The following MYT1L variants were observed in gnomAD, a reference collection of about 807,000 sequenced individuals.
MYT1L encodes the protein myelin transcription factor 1-like protein.
MYT1L carries 12 observed loss-of-function variants against 126.7 expected under a neutral mutation model. That is an observed-to-expected ratio of 0.09 (90% CI 0.06 to 0.15). The LOEUF is 0.15. Among genes scored for constraint, MYT1L ranks in the 10% least tolerant of loss-of-function variants. The pLI is 1.00. For missense variants in MYT1L, 979 were observed against 1,585.2 expected (o/e 0.62, Z 6.49); for synonymous variants, 541 against 604.2 (o/e 0.90, Z 1.53).
At chr2:2,079,281 T>A (rs1237753000) in intron 3 of MYT1L, among the ~76,000 whole-genome samples, 1 of 152,124 alleles carries the variant, frequency 6.6e-6, no homozygotes, top group Admixed American at 6.5e-5. Context: ...TGGAAATAAA[T>A]TTAACAAAAG....
At chr2:1,846,259 A>C (rs1172904633) in intron 19 of MYT1L, among the ~76,000 whole-genome samples, 2 of 152,200 alleles carry the variant, frequency 1.3e-5, no homozygotes, top group East Asian at 3.9e-4. Context: ...GGAACACCTT[A>C]GTTATCACTG....
intron 1 of MYT1L, chr2:2,326,103 G>A (rs1400509664): frequency 1.3e-5 from 2 of 152,256 alleles, no homozygotes; most frequent in South Asian, 2.1e-4. Flanking sequence ...CACCCACGCA[G>A]GGCTCTGTCT....
At chr2:2,259,987 C>T (rs1248766573) in intron 2 of MYT1L, among the ~76,000 whole-genome samples, 1 of 152,182 alleles carries the variant, frequency 6.6e-6, no homozygotes, top group Non-Finnish European at 1.5e-5. Flanking sequence ...CTGCAGCCTC[C>T]CCAGCCCAGG....
At chr2:1,998,535 T>TC (rs2062070823) in intron 4 of MYT1L, among the ~76,000 whole-genome samples, 1 of 152,100 alleles carries the variant, frequency 6.6e-6, no homozygotes, top group Non-Finnish European at 1.5e-5. Context: ...TACTTAATTT[T>TC]CCCCAGAGAA....
intron 4 of MYT1L, among the ~76,000 whole-genome samples, chr2:2,041,452 A>G (rs2067525548): frequency 6.6e-6 from 1 of 152,220 alleles, no homozygotes; most frequent in South Asian, 2.1e-4. Context: ...AGTGCTTTGC[A>G]AGCTGAATTG....
At chr2:1,963,237 T>A (rs889028295) in intron 8 of MYT1L, among the ~76,000 whole-genome samples, 4 of 152,004 alleles carry the variant, frequency 2.6e-5, no homozygotes, top group African/African-American at 4.8e-5. Flanking sequence ...TGAAAGAAAA[T>A]TTTTTTTCCC....
intron 2 of MYT1L, among the ~76,000 whole-genome samples, chr2:2,205,189 G>A (rs1472350397): frequency 2.6e-5 from 4 of 151,328 alleles, no homozygotes; most frequent in Admixed American, 6.6e-5. Flanking sequence ...AATGGGTGCA[G>A]CACACCAACA....
chr2:2,190,079 C>T (rs540542894), intron 2 of MYT1L, among the ~76,000 whole-genome samples: 119 of 152,328 alleles, frequency 7.8e-4, no homozygotes, highest in African/African-American at 2.8e-3. Context: ...GCTCATCCTT[C>T]GCTTTCTGTA....
At chr2:2,241,635 T>C (rs2149143060) in intron 2 of MYT1L, among the ~76,000 whole-genome samples, 1 of 152,320 alleles carries the variant, frequency 6.6e-6, no homozygotes, top group Non-Finnish European at 1.5e-5. Context: ...TTTTTTGTTT[T>C]TGGATTTTGG....
intron 1 of MYT1L, among the ~76,000 whole-genome samples, chr2:2,323,240 C>T (rs992114671): frequency 6.6e-6 from 1 of 151,684 alleles, no homozygotes; most frequent in Admixed American, 6.6e-5. Flanking sequence ...AAAATTTTCC[C>T]CTCCCCCCAA....
intron 18 of MYT1L, among the ~76,000 whole-genome samples, chr2:1,876,614 G>A (rs987577102): frequency 3.3e-5 from 5 of 152,058 alleles, no homozygotes; most frequent in Non-Finnish European, 5.9e-5. Flanking sequence ...CTGAGTCCCC[G>A]CAGCTGACCC....
intron 18 of MYT1L, among the ~76,000 whole-genome samples, chr2:1,856,464 G>T (rs2043938233): frequency 6.6e-6 from 1 of 152,136 alleles, no homozygotes; most frequent in Admixed American, 6.5e-5. Context: ...ACATCACGCA[G>T]CTGGGACGCT....
At chr2:2,254,042 C>T (rs965780640) in intron 2 of MYT1L, among the ~76,000 whole-genome samples, 3 of 152,096 alleles carry the variant, frequency 2.0e-5, no homozygotes, top group East Asian at 1.9e-4. Context: ...CCGAAGGCTC[C>T]CTGTGATAAG....
At chr2:1,803,944 G>A (rs1181067586) in intron 22 of MYT1L, among the ~76,000 whole-genome samples, 2 of 152,158 alleles carry the variant, frequency 1.3e-5, no homozygotes, top group South Asian at 2.1e-4. Flanking sequence ...CCCCAGGCAC[G>A]TGCGCCTCGG....
At chr2:1,821,550 T>C (rs1409880202) in intron 21 of MYT1L, among the ~76,000 whole-genome samples, 1 of 152,224 alleles carries the variant, frequency 6.6e-6, no homozygotes, top group East Asian at 1.9e-4. Context: ...TTTCCAGAAA[T>C]GTTTCTGCTT....
intron 3 of MYT1L, among the ~76,000 whole-genome samples, chr2:2,116,888 G>A (rs1014480716): frequency 1.3e-5 from 2 of 152,168 alleles, no homozygotes; most frequent in African/African-American, 4.8e-5. Context: ...AGCCATCCTG[G>A]GCATCAGCCC....
In MYT1L at chr2:2,017,726, C is replaced by CTCCATCCATCCATCCATCCA. The variant is rs146462005; in HGVS notation, c.-157-20399_-157-20380dup. Among the ~76,000 whole-genome samples the CTCCATCCATCCATCCATCCA allele has an allele frequency of 1.6e-4, 25 of 151,968 alleles. No homozygotes were observed. In the South Asian group the frequency reaches 5.2e-3, roughly 32 times the overall value. ...TATCTATCTATCTAACCATCCATCC[C>CTCCATCCATCCATCCATCCA]TCCATCCATCCATCCATCCATCCAT... On this transcript the variant is annotated intron_variant, in intron 4 of 24. Coordinates refer to ENST00000647738, the MANE Select transcript of MYT1L (RefSeq NM_001303052.2).
intron 2 of MYT1L, among the ~76,000 whole-genome samples, chr2:2,273,994 G>T (rs1227520566): frequency 2.0e-5 from 3 of 151,836 alleles, no homozygotes; most frequent in African/African-American, 7.3e-5. Context: ...TGAATATAGA[G>T]AACTGATACT....
At chr2:2,321,087 G>A (rs2096156163) in intron 1 of MYT1L, among the ~76,000 whole-genome samples, 1 of 152,192 alleles carries the variant, frequency 6.6e-6, no homozygotes, top group Admixed American at 6.5e-5. Context: ...CTAATCCTGG[G>A]GTTGTTGAAA....
Sources: allele counts gnomAD v4.1 joint callset (sites outside exome capture counted in the v4.1 genomes callset), GRCh38; gene constraint gnomAD v4.1.1; transcripts MANE v1.5; gene names NCBI Gene and HGNC (gene_info 2026-07-23, HGNC 2026-07-21).